ELMO2: variants seen among roughly 807,000 people sequenced by gnomAD.
The protein encoded by ELMO2 is engulfment and cell motility 2.
Under a neutral mutation model 96.2 loss-of-function variants are expected in ELMO2, and 37 were observed. That is an observed-to-expected ratio of 0.38 (90% CI 0.30 to 0.51). The LOEUF (loss-of-function observed/expected upper bound fraction) is 0.51. Among genes scored for constraint, ELMO2 ranks in the 20% least tolerant of loss-of-function variants. The probability of loss-of-function intolerance (pLI) is 0.88; values close to 1 mark genes in which losing one functional copy is unlikely to be tolerated. For missense variants in ELMO2, 561 were observed against 912.6 expected, an observed-to-expected ratio of 0.61 and a Z score of 4.96; for synonymous variants, 315 against 329.4, an observed-to-expected ratio of 0.96 and a Z score of 0.47.
chr20:46,399,678 G>A (rs1236242745), intron 1 of ELMO2, among the ~76,000 whole-genome samples: 1 of 152,182 alleles, frequency 6.6e-6, no homozygotes. Context: ...TCATAACCTA[G>A]CACAGCACTT....
chr20:46,371,193 C>T lies in ELMO2; in HGVS notation c.1801+159G>A, dbSNP rs1207476055. Among the ~76,000 whole-genome samples, 4 of 152,270 alleles carry T rather than the reference C, an allele frequency of 2.6e-5. No individual in the cohort carries two copies. Among genetic ancestry groups the T allele is most frequent in the African/African-American group, 9.6e-5 (4 of 41,554 alleles). On this transcript the variant is annotated intron_variant, in intron 19 of 21. Transcript: ENST00000290246. The surrounding 1 kb of genome is among the most constrained non-coding windows in gnomAD (Gnocchi z 5.9). ...TCATTGTTTCTCCAAACCACCCCAC[C>T]GAGTAGGCCAGGTAGAGGAAATCGC...
intron 7 of ELMO2, among the ~76,000 whole-genome samples, chr20:46,388,313 A>G (rs1341277251): frequency 1.3e-5 from 2 of 152,208 alleles, no homozygotes; most frequent in Admixed American, 6.5e-5. Flanking sequence ...TGTAAAACAA[A>G]TATCTATGAT....
rs2059804089 is a variant in ELMO2 at position 46,374,252 on chromosome 20, G to A, written c.1279+80C>T. On this transcript the variant is annotated intron_variant, in intron 15 of 21. Transcript: ENST00000290246. ...CCACCACGCCCGACCCCACTGACAT[G>A]TAACTGTTTATAATTTTGAGTCTCA... 4.2e-6 allele frequency: 5 copies of A among 1,198,554 alleles called. No individual in the cohort carries two copies. In the South Asian group the frequency reaches 5.0e-5, roughly 12 times the overall value. The allele number at this position is 1,198,554 out of a possible 1,614,324, so 74.2% of individuals were successfully genotyped here. A position where few individuals can be genotyped will look rare whatever the true frequency, so the allele number is the denominator to read the frequency against.
chr20:46,405,462 G>A (rs2060416297), intron 1 of ELMO2, among the ~76,000 whole-genome samples: 3 of 152,176 alleles, frequency 2.0e-5, no homozygotes, highest in African/African-American at 7.2e-5. Context: ...CTGAGCAAGC[G>A]GACGGACGAG....
intron 11 of ELMO2, among the ~76,000 whole-genome samples, chr20:46,379,304 C>T (rs1452737672): frequency 6.6e-6 from 1 of 152,042 alleles, no homozygotes; most frequent in Non-Finnish European, 1.5e-5. Context: ...AAAGTTGCCT[C>T]CTTTTAATTC....
In ELMO2 at chr20:46,375,157, C is replaced by CA; in HGVS notation, c.1065+78dup. The stretch of plus-strand genomic sequence containing the variant: ...CCAGGGCCACCATGGGGTTGGTTGT[C>CA]AGAGCTCTGTCTGGGTGGGACCATT... On this transcript the variant is annotated intron_variant, in intron 13 of 21. Transcript: ENST00000290246. This position sits in a 1 kb window ranked among gnomAD's most constrained non-coding sequence, Gnocchi z 4.6. 6.5e-7 allele frequency: 1 copy of CA among 1,537,384 alleles called. No homozygotes were observed.
rs3092402 is a variant in ELMO2 at position 46,368,695 on chromosome 20, GC to G, written c.1962+195del. ...ATGATACCTGCTGCTTCATCTGGGT[GC>G]CCCCCCAACCACAGCTCCTCCTTTG... On this transcript the variant is annotated intron_variant, in intron 21 of 21. Coordinates refer to ENST00000290246, the MANE Select transcript of ELMO2 (RefSeq NM_133171.5). Among the ~76,000 whole-genome samples the G allele has an allele frequency of 0.84, 128,447 of 152,080 alleles. 55,572 individuals carry two copies. The highest frequency in any genetic ancestry group is 0.93 in the Non-Finnish European group (63,346 of 68,016).
intron 2 of ELMO2, among the ~76,000 whole-genome samples, chr20:46,394,748 T>C (rs1042299118): frequency 2.6e-5 from 4 of 152,214 alleles, no homozygotes; most frequent in Admixed American, 2.0e-4. Flanking sequence ...CTATCATCCA[T>C]AGATCAGCCA....
intron 8 of ELMO2, among the ~76,000 whole-genome samples, chr20:46,386,643 A>G (rs926730580): frequency 6.6e-6 from 1 of 152,192 alleles, no homozygotes; most frequent in Non-Finnish European, 1.5e-5. Context: ...CCCCCTAAAC[A>G]CACTTAGACT....
intron 11 of ELMO2, among the ~76,000 whole-genome samples, chr20:46,378,043 AGCT>A: frequency 6.6e-6 from 1 of 152,262 alleles, no homozygotes; most frequent in South Asian, 2.1e-4. Context: ...TTTATAAAAC[AGCT>A]TTGAATAGAG....
Position 46,371,630 on chromosome 20 carries a change from G to A in ELMO2, c.1642C>T (p.Arg548Trp). The A allele has an allele frequency of 1.9e-6, 3 of 1,610,320 alleles. No individual in the cohort carries two copies. Among genetic ancestry groups the A allele is most frequent in the African/African-American group, 1.3e-5 (1 of 74,778 alleles). ...LELIKQQRLN[R>W]LCEGSSFRKI... ...CGGAAGCTGCTGCCCTCACAGAGCC[G>A]GTTCAGGCGCTGCTGCTTGATCAGC... The change falls in exon 18 of 22, where the codon CGG becomes TGG. Residue 548 changes from arginine to tryptophan, a missense_variant. Coordinates refer to ENST00000290246, the MANE Select transcript of ELMO2 (RefSeq NM_133171.5). This position sits in a 1 kb window ranked among gnomAD's most constrained non-coding sequence, Gnocchi z 5.9.
In ELMO2 at chr20:46,373,555, G is replaced by A; in HGVS notation, c.1280-20C>T. 1 of 1,613,148 alleles carries A rather than the reference G, an allele frequency of 6.2e-7. No homozygotes were observed. The highest frequency in any genetic ancestry group is 8.5e-7 in the Non-Finnish European group (1 of 1,179,184). ...CATTTGCTGTGGAAGTGAAAAAACA[G>A]GGAGAAGATGAAGCCTCTGTCCACA... On this transcript the variant is annotated intron_variant, in intron 15 of 21. Transcript: ENST00000290246.
At chr20:46,396,002 T>C (rs903423503) in intron 2 of ELMO2, among the ~76,000 whole-genome samples, 1 of 152,228 alleles carries the variant, frequency 6.6e-6, no homozygotes, top group Non-Finnish European at 1.5e-5. Flanking sequence ...TGCTTTCCCC[T>C]TTTCCTTTGA....
intron 10 of ELMO2, among the ~76,000 whole-genome samples, chr20:46,381,254 TCTC>T: frequency 6.6e-6 from 1 of 152,332 alleles, no homozygotes; most frequent in East Asian, 1.9e-4. Context: ...ATAATTCTTG[TCTC>T]CTCCTTCCAG....
chr20:46,393,390 C>T, intron 5 of ELMO2, 139 bp downstream of exon 5: 1 of 1,047,716 alleles, frequency 9.5e-7, no homozygotes, highest in Non-Finnish European at 1.4e-6. Context: ...GCTGGTGTTT[C>T]CCAGTCTGTC....
At chr20:46,394,610 GA>G in intron 2 of ELMO2, 78 bp from the exon 3 acceptor site, 1 of 1,071,750 alleles carries the variant, frequency 9.3e-7, no homozygotes, top group Non-Finnish European at 1.4e-6. Context: ...TGAAGAGTTT[GA>G]AGACAGACAC....
chr20:46,382,988 C>G (rs187700221), intron 10 of ELMO2, among the ~76,000 whole-genome samples: 98 of 152,196 alleles, frequency 6.4e-4, no homozygotes, highest in African/African-American at 2.2e-3. Flanking sequence ...ATTCTGTAAC[C>G]CAGGAGTTGG....
At chr20:46,376,960 G>A (rs1262132572) in intron 11 of ELMO2, 2 of 445,998 alleles carry the variant, frequency 4.5e-6, no homozygotes, top group Admixed American at 3.8e-5. Context: ...GTGGCTAGCG[G>A]CTACAGCAAT....
At chr20:46,368,181 C>T (rs1019172444) in intron 21 of ELMO2, among the ~76,000 whole-genome samples, 30 of 152,262 alleles carry the variant, frequency 2.0e-4, no homozygotes, top group Admixed American at 1.6e-3. Flanking sequence ...TCCTCTCAAC[C>T]AAATTCCACT....
Sources: allele counts gnomAD v4.1 joint callset (sites outside exome capture counted in the v4.1 genomes callset), GRCh38; gene constraint gnomAD v4.1.1; non-coding constraint Gnocchi (gnomAD v3.1); transcripts MANE v1.5; gene names NCBI Gene and HGNC (gene_info 2026-07-23, HGNC 2026-07-21).